PRSS36: variants seen among roughly 807,000 people sequenced by gnomAD.
PRSS36 encodes serine protease 36, also known as polyserase-2.
In PRSS36, 90 loss-of-function variants were observed where a neutral mutation model predicts 94.3. That is an observed-to-expected ratio of 0.95 (90% confidence interval 0.80 to 1.14). PRSS36 has a LOEUF of 1.14. PRSS36 is among the 50% of genes most tolerant of loss of function. The pLI, the probability that PRSS36 is intolerant of heterozygous loss-of-function variation, is 0.00. For missense variants in PRSS36, 1,158 were observed against 1,135.0 expected (o/e 1.02, Z -0.29); for synonymous variants, 500 against 489.6 (o/e 1.02, Z -0.28).
At position 31,148,743 on chromosome 16, in the gene PRSS36, A is replaced by G. The variant is rs909231739; in HGVS notation, c.273-68T>C. 25 of 1,583,846 alleles carry G rather than the reference A, an allele frequency of 1.6e-5. No homozygotes were observed. The African/African-American group carries it at 3.1e-4, about 20-fold the overall frequency. Reference sequence around the variant, plus strand: ...GAGGGGGCAGACCCTCGTTGGGGGCAGGGGCTCAGAGCCAGAGGGGCAGGT... The same window carrying G: ...GAGGGGGCAGACCCTCGTTGGGGGCGGGGGCTCAGAGCCAGAGGGGCAGGT... On this transcript the variant is annotated intron_variant, in intron 4 of 14. Transcript: ENST00000268281.
chr16:31,143,823 C>A lies in PRSS36; in HGVS notation c.735G>T (p.Gly245=), dbSNP rs61748978. The A allele has an allele frequency of 2.2e-3, 3,520 of 1,613,386 alleles. 61 individuals carry two copies. The African/African-American group carries it at 0.042, about 19-fold the overall frequency. ...GGCCGCCTTCCTCACAGACCAGGGG[C>A]CCCCCAGAGTCACCCTAGTGGCAGA... ...RRDTCQGDSG[G]PLVCEEGGRW... Residue 245 remains glycine, a synonymous_variant, in exon 7 of 15, where the codon GGG becomes GGT. Coordinates refer to ENST00000268281, the MANE Select transcript of PRSS36 (RefSeq NM_173502.5).
chr16:31,148,335 A>G, intron 5 of PRSS36, 60 bp downstream of exon 5: 3 of 1,456,858 alleles, frequency 2.1e-6, no homozygotes, highest in Non-Finnish European at 2.7e-6. Context: ...CGCCCTAGGA[A>G]CCTCACCTCT....
Position 31,140,541 on chromosome 16 carries a change from G to C in PRSS36, c.2118C>G (p.Pro706=), listed in dbSNP as rs1261750095. 1.3e-6 allele frequency: 2 copies of C among 1,581,606 alleles called. No homozygotes were observed. Among genetic ancestry groups the C allele is most frequent in the Non-Finnish European group, 8.6e-7 (1 of 1,163,406 alleles). Residue 706 remains proline, a synonymous_variant, in exon 13 of 15, where the codon CCC becomes CCG. Transcript: ENST00000268281. ...CCAACACCCAGCAGCTGGCCCCCGGGGGGATACCCGCCGGGTGGAGACAGA... is the reference window on the plus strand; with the variant it reads ...CCAACACCCAGCAGCTGGCCCCCGGCGGGATACCCGCCGGGTGGAGACAGA... ...LPICLHPAGI[P]PGASCWVLGW...
At position 31,143,587 on chromosome 16, in the gene PRSS36, C is replaced by A; in HGVS notation, c.970+1G>T. The stretch of plus-strand genomic sequence containing the variant: ...TACATCCAGGGGTGCCGCCCACTCA[C>A]CAGGCAGGGCAATGGTGCAGTTCTC... On this transcript the variant is annotated splice_donor_variant, in intron 7 of 14. Coordinates refer to ENST00000268281, the MANE Select transcript of PRSS36 (RefSeq NM_173502.5). LOFTEE classifies it high-confidence loss of function. 1.2e-6 allele frequency: 2 copies of A among 1,614,042 alleles called. No homozygotes were observed. The highest frequency in any genetic ancestry group is 8.5e-7 in the Non-Finnish European group (1 of 1,179,920).
Position 31,149,450 on chromosome 16 carries a change from G to A in PRSS36, c.109+13C>T. On this transcript the variant is annotated intron_variant, in intron 3 of 14. Transcript: ENST00000268281. ...TCCTTTAAGGTCTGAGGGTGCCAAG[G>A]CCTCTTCCTTACCCAGATCTTCAGG... 6.2e-7 allele frequency: 1 copy of A among 1,613,998 alleles called. No homozygotes were observed. The highest frequency in any genetic ancestry group is 8.5e-7 in the Non-Finnish European group (1 of 1,179,922).
chr16:31,140,090 C>A (rs2057658968), intron 14 of PRSS36, among the ~76,000 whole-genome samples: 1 of 151,136 alleles, frequency 6.6e-6, no homozygotes, highest in Admixed American at 6.6e-5. Flanking sequence ...ACTCGGGAGG[C>A]TGAGGCAGGA....
chr16:31,146,104 T>C, intron 5 of PRSS36, 149 bp from the exon 6 acceptor site: 1 of 683,852 alleles, frequency 1.5e-6, no homozygotes, highest in South Asian at 2.0e-5. Context: ...CATCTCCTCC[T>C]GCTTCTATCT....
At chr16:31,140,231 T>C in intron 14 of PRSS36, 63 bp downstream of exon 14, 1 of 1,514,198 alleles carries the variant, frequency 6.6e-7, no homozygotes, top group Non-Finnish European at 8.9e-7. Flanking sequence ...GCTATCTCTC[T>C]AGGGTACAGT....
intron 5 of PRSS36, among the ~76,000 whole-genome samples, chr16:31,147,810 T>G (rs1207182174): frequency 1.3e-5 from 2 of 151,584 alleles, no homozygotes; most frequent in East Asian, 3.9e-4. Flanking sequence ...GAGAGATGAG[T>G]GGGGGTGGAT....
At chr16:31,142,417 G>A (rs960410200) in intron 10 of PRSS36, 64 bp downstream of exon 10, 17 of 1,401,342 alleles carry the variant, frequency 1.2e-5, no homozygotes, top group Middle Eastern at 2.7e-4. Context: ...CCTTCCACAG[G>A]CCCCGCCCTC....
intron 1 of PRSS36, 70 bp from the exon 2 acceptor site, chr16:31,149,801 C>T (rs536397164): frequency 3.7e-6 from 6 of 1,603,704 alleles, no homozygotes; most frequent in Non-Finnish European, 5.1e-6. Flanking sequence ...CTGACTCCCT[C>T]CCCCAGCCTC....
chr16:31,143,449 T>C lies in PRSS36; in HGVS notation c.993A>G (p.Pro331=). ...ALPECGKAPR[P]GAWPWEAQVM... ...CCTGGGCCTCCCAGGGCCAGGCCCC[T>C]GGCCGCGGGGCCTTCCCGCACTCTG... Residue 331 remains proline, a synonymous_variant, in exon 8 of 15, where the codon CCA becomes CCG. Coordinates refer to ENST00000268281, the MANE Select transcript of PRSS36 (RefSeq NM_173502.5). 6.2e-7 allele frequency: 1 copy of C among 1,610,610 alleles called. No homozygotes were observed. Among genetic ancestry groups the C allele is most frequent in the South Asian group, 1.1e-5 (1 of 90,794 alleles).
chr16:31,140,238 C>A (rs989082648), intron 14 of PRSS36, 56 bp downstream of exon 14: 1 of 1,541,560 alleles, frequency 6.5e-7, no homozygotes, highest in Non-Finnish European at 8.7e-7. Context: ...CTCTAGGGTA[C>A]AGTAGTCCAA....
intron 6 of PRSS36, 81 bp downstream of exon 6, chr16:31,145,708 G>T: frequency 7.1e-7 from 1 of 1,400,596 alleles, no homozygotes; most frequent in Non-Finnish European, 9.7e-7. Flanking sequence ...TTGCAGATGA[G>T]GCTTGGAGAG....
intron 6 of PRSS36, 131 bp from the exon 7 acceptor site, chr16:31,143,968 C>T (rs2057759571): frequency 4.4e-6 from 5 of 1,138,204 alleles, no homozygotes; most frequent in Non-Finnish European, 4.9e-6. Flanking sequence ...AGGCCTTGTC[C>T]TCTGCATTCC....
intron 2 of PRSS36, 55 bp from the exon 3 acceptor site, chr16:31,149,553 G>A (rs900450135): frequency 3.7e-6 from 6 of 1,609,178 alleles, no homozygotes; most frequent in Non-Finnish European, 5.1e-6. Context: ...GGCCTGCACC[G>A]CCCAGCCCCA....
Position 31,142,948 on chromosome 16 carries a change from G to T in PRSS36, c.1146C>A (p.Arg382=). 6.8e-7 allele frequency: 1 copy of T among 1,460,010 alleles called. No homozygotes were observed. Among genetic ancestry groups the T allele is most frequent in the Non-Finnish European group, 9.0e-7 (1 of 1,112,852 alleles). 90.4% of individuals were successfully genotyped at this position (1,460,010 alleles called of 1,614,324 possible). ...DSPPRDLDAW[R]VLLPSRPRAE... ...CGCGCGGGCGCGAGGGCAGCAGCAC[G>T]CGCCAGGCGTCGAGGTCGCGGGGTG... The change falls in exon 9 of 15, where the codon CGC becomes CGA. Residue 382 remains arginine, a synonymous_variant. Transcript: ENST00000268281.
Position 31,145,938 on chromosome 16 carries a change from A to C in PRSS36, c.571T>G (p.Trp191Gly). The C allele has an allele frequency of 6.2e-7, 1 of 1,613,012 alleles. No individual in the cohort carries two copies. Among genetic ancestry groups the C allele is most frequent in the South Asian group, 1.1e-5 (1 of 91,000 alleles). Reference sequence around the variant, plus strand: ...CTTAGCTCCACTTCCTGTAGCACCCAGGGGAGAGGCAGAGGATCTGGAGGC... The same window carrying C: ...CTTAGCTCCACTTCCTGTAGCACCCCGGGGAGAGGCAGAGGATCTGGAGGC... ...VQEADPLPLP[W>G]VLQEVELRLL... The change falls in exon 6 of 15, where the codon TGG becomes GGG. Residue 191 changes from tryptophan to glycine, a missense_variant. Transcript: ENST00000268281.
At position 31,142,544 on chromosome 16, in the gene PRSS36, G is replaced by A. The variant is rs1183101650; in HGVS notation, c.1458C>T (p.Pro486=). The A allele has an allele frequency of 5.9e-6, 9 of 1,516,834 alleles. No individual in the cohort carries two copies. The highest frequency in any genetic ancestry group is 7.9e-6 in the Non-Finnish European group (9 of 1,135,492). The allele number at this position is 1,516,834 out of a possible 1,614,324, so 94.0% of individuals were successfully genotyped here. A position where few individuals can be genotyped will look rare whatever the true frequency, so the allele number is the denominator to read the frequency against. Reference sequence around the variant, plus strand: ...GGCAGAGCGCGTGCGGCGGGTCTCCGGGCAGCGGTACTGCCGCCCCCTGGC... The same window carrying A: ...GGCAGAGCGCGTGCGGCGGGTCTCCAGGCAGCGGTACTGCCGCCCCCTGGC... ...YGRQGAAVPL[P]GDPPHALCPA... Residue 486 remains proline, a synonymous_variant, in exon 10 of 15, where the codon CCC becomes CCT. Transcript: ENST00000268281.
Sources: allele counts gnomAD v4.1 joint callset (sites outside exome capture counted in the v4.1 genomes callset), GRCh38; gene constraint gnomAD v4.1.1; transcripts MANE v1.5; gene names NCBI Gene and HGNC (gene_info 2026-07-23, HGNC 2026-07-21).